CAPN2: variants seen among roughly 807,000 people sequenced by gnomAD.
The protein encoded by CAPN2 is calpain 2, also known as calpain-2 catalytic subunit.
CAPN2 carries 92 observed loss-of-function variants against 102.3 expected under a neutral mutation model. The ratio of observed to expected loss-of-function variants is 0.90; its 90% CI spans 0.76 to 1.07. CAPN2 has a LOEUF of 1.07. Among genes scored for constraint, CAPN2 ranks in the 50% least tolerant of loss-of-function variants. CAPN2 has a pLI of 0.00. For missense variants in CAPN2, 800 were observed against 909.4 expected, an observed-to-expected ratio of 0.88 and a Z score of 1.55; for synonymous variants, 340 against 355.4, an observed-to-expected ratio of 0.96 and a Z score of 0.49.
At chr1:223,729,495 G>T (rs2102784009) in intron 2 of CAPN2, among the ~76,000 whole-genome samples, 1 of 152,272 alleles carries the variant, frequency 6.6e-6, no homozygotes, top group Non-Finnish European at 1.5e-5. Context: ...GCCCAAGGAG[G>T]TCCTGAGAAC....
At chr1:223,770,805 G>C (rs1278092320) in intron 18 of CAPN2, 2 of 266,124 alleles carry the variant, frequency 7.5e-6, no homozygotes, top group Admixed American at 1.1e-4. Context: ...GCCTCCTCCA[G>C]GTGCTTCCTT....
intron 17 of CAPN2, 187 bp from the exon 18 acceptor site, chr1:223,770,260 C>T (rs1661438581): frequency 1.7e-6 from 1 of 601,360 alleles, no homozygotes; most frequent in Non-Finnish European, 3.0e-6. Context: ...GGCATATTTA[C>T]AAACCAGCTC....
At chr1:223,713,049 G>T (rs1030431215) in intron 1 of CAPN2, among the ~76,000 whole-genome samples, 172 bp downstream of exon 1, 2 of 152,338 alleles carry the variant, frequency 1.3e-5, no homozygotes, top group Admixed American at 6.5e-5. Context: ...CCGGGACTCT[G>T]TTCGAGCGTG....
At chr1:223,745,000 G>A (rs6665485) in intron 3 of CAPN2, among the ~76,000 whole-genome samples, 25,031 of 151,410 alleles carry the variant, frequency 0.17, 2,777 homozygotes, top group African/African-American at 0.3. Context: ...AGCCGAGATC[G>A]TGCCACTGCA....
chr1:223,717,706 A>G, intron 1 of CAPN2, 56 bp from the exon 2 acceptor site: 1 of 1,412,524 alleles, frequency 7.1e-7, no homozygotes, highest in Non-Finnish European at 1.0e-6. Context: ...GAGGCATCCT[A>G]GCTGCAGAAG....
chr1:223,766,914 C>T lies in CAPN2; in HGVS notation c.1755+483C>T, dbSNP rs28370158. Among the ~76,000 whole-genome samples, 8 of 151,672 alleles carry T rather than the reference C, an allele frequency of 5.3e-5. No homozygotes were observed. The East Asian group carries it at 7.8e-4, about 15-fold the overall frequency. ...GGCGGAGGTTGCAGTGAGCTGAGAT[C>T]GCGCCACTGCACTCCAGCCTGGGTG... On this transcript the variant is annotated intron_variant, in intron 16 of 20. Coordinates refer to ENST00000295006, the MANE Select transcript of CAPN2 (RefSeq NM_001748.5).
chr1:223,714,397 A>G (rs1206313615), intron 1 of CAPN2, among the ~76,000 whole-genome samples: 2 of 152,184 alleles, frequency 1.3e-5, no homozygotes, highest in Non-Finnish European at 2.9e-5. Context: ...AGAGCTCAGG[A>G]GATACACCAG....
intron 1 of CAPN2, among the ~76,000 whole-genome samples, chr1:223,705,891 G>A (rs913789460): frequency 8.5e-5 from 13 of 152,294 alleles, no homozygotes; most frequent in African/African-American, 2.9e-4. Flanking sequence ...TATAACAACC[G>A]TGTGAACTAT....
chr1:223,752,942 GC>G lies in CAPN2; in HGVS notation c.1122del (p.Cys374Ter), dbSNP rs745879512. ...AGGCGGGGCTCCACCGCGGGAGGTT[GC>G]AGGAACTACCCGAGTAAGGGCTGTT... Reference protein sequence around the residue: ...NWRRGSTAGGCRNYPNTFWMN... With the variant: ...NWRRGSTAGGXRNYPNTFWMN... On this transcript the variant is annotated frameshift_variant, in exon 9 of 21. Transcript: ENST00000295006. LOFTEE classifies it high-confidence loss of function. 4 of 1,614,098 alleles carry G rather than the reference GC, an allele frequency of 2.5e-6. No individual in the cohort carries two copies. The highest frequency in any genetic ancestry group is 3.4e-6 in the Non-Finnish European group (4 of 1,180,006).
chr1:223,704,500 G>T (rs4653501), intron 1 of CAPN2, among the ~76,000 whole-genome samples: 1 of 152,218 alleles, frequency 6.6e-6, no homozygotes, highest in African/African-American at 2.4e-5. Context: ...TGTCAGCAAC[G>T]TTTTCCCTAT....
At chr1:223,732,428 GCCT>G (rs1444269935) in intron 2 of CAPN2, among the ~76,000 whole-genome samples, 2 of 152,206 alleles carry the variant, frequency 1.3e-5, no homozygotes, top group African/African-American at 2.4e-5. Flanking sequence ...GATTATTCAT[GCCT>G]CCTCTTTTTA....
At position 223,759,835 on chromosome 1, in the gene CAPN2, A is replaced by C. The variant is rs1000934104; in HGVS notation, c.1529+354A>C. The stretch of plus-strand genomic sequence containing the variant: ...GAAGAAAGCTGAGCAGTGCTGGTGT[A>C]ATCCTTGATTTTCCAGGCCACCTGG... On this transcript the variant is annotated intron_variant, in intron 12 of 20. Coordinates refer to ENST00000295006, the MANE Select transcript of CAPN2 (RefSeq NM_001748.5). This position sits in a 1 kb window ranked among gnomAD's most constrained non-coding sequence, Gnocchi z 4.6. Among the ~76,000 whole-genome samples, 1 of 152,188 alleles carries C rather than the reference A, an allele frequency of 6.6e-6. No individual in the cohort carries two copies. The highest frequency in any genetic ancestry group is 2.4e-5 in the African/African-American group (1 of 41,444).
chr1:223,765,915 C>T (rs1661302315), intron 15 of CAPN2, among the ~76,000 whole-genome samples: 2 of 152,202 alleles, frequency 1.3e-5, no homozygotes, highest in Non-Finnish European at 2.9e-5. Flanking sequence ...GGATCGATCC[C>T]AGTTCCTCAG....
chr1:223,769,989 A>G, intron 17 of CAPN2, 80 bp downstream of exon 17: 2 of 1,083,984 alleles, frequency 1.8e-6, no homozygotes, highest in East Asian at 2.6e-5. Flanking sequence ...ACTCCTGCAC[A>G]GAGTGGAGAA....
chr1:223,750,189 A>G (rs1372763645), intron 6 of CAPN2, among the ~76,000 whole-genome samples: 1 of 152,198 alleles, frequency 6.6e-6, no homozygotes. Context: ...AAAGACTAAC[A>G]TAATAACTAT....
intron 20 of CAPN2, among the ~76,000 whole-genome samples, chr1:223,774,365 G>A (rs1661559334): frequency 6.6e-6 from 1 of 152,176 alleles, no homozygotes; most frequent in Non-Finnish European, 1.5e-5. Flanking sequence ...TTTCAACCTT[G>A]GCTGCAGATT....
rs771760232 is a variant in CAPN2, at chr1:223,756,571, T to C, written c.1306-798T>C. ...TTCCACCCTCTCCCAAGAGCCAGTT[T>C]CCCAGCACACCCCTGGGAGAATCCA... On this transcript the variant is annotated intron_variant, in intron 10 of 20. Transcript: ENST00000295006. The surrounding 1 kb of genome is among the most constrained non-coding windows in gnomAD (Gnocchi z 4.1). 6.6e-6 allele frequency among the ~76,000 whole-genome samples: 1 copy of C among 152,092 alleles called. No homozygotes were observed. The highest frequency in any genetic ancestry group is 2.4e-5 in the African/African-American group (1 of 41,406).
Position 223,760,892 on chromosome 1 carries a change from C to T in CAPN2, c.1530-689C>T, listed in dbSNP as rs143706411. On this transcript the variant is annotated intron_variant, in intron 12 of 20. Coordinates refer to ENST00000295006, the MANE Select transcript of CAPN2 (RefSeq NM_001748.5). Reference sequence around the variant, plus strand: ...CCAGGCATTGGCCCTGCTGATAGGACTCTTGGTCACTTAGTTAAAATCACA... The same window carrying T: ...CCAGGCATTGGCCCTGCTGATAGGATTCTTGGTCACTTAGTTAAAATCACA... 4.6e-5 allele frequency among the ~76,000 whole-genome samples: 7 copies of T among 152,370 alleles called. No individual in the cohort carries two copies. The East Asian group carries it at 9.6e-4, about 21-fold the overall frequency.
chr1:223,705,591 G>C (rs754288755), intron 1 of CAPN2, among the ~76,000 whole-genome samples: 1 of 152,202 alleles, frequency 6.6e-6, no homozygotes, highest in Non-Finnish European at 1.5e-5. Context: ...CTGGCTTAGA[G>C]ACATATTTAT....
Sources: gnomAD v4.1 joint callset for allele counts (sites outside exome capture counted in the v4.1 genomes callset) on GRCh38, gnomAD v4.1.1 for gene constraint, Gnocchi (gnomAD v3.1) non-coding constraint, MANE v1.5 for transcripts, NCBI Gene and HGNC (gene_info 2026-07-23, HGNC 2026-07-21) for gene names.